Variants in SLC36A1 observed in about 807,000 individuals in gnomAD.
The protein encoded by SLC36A1 is solute carrier family 36 member 1.
SLC36A1 carries 30 observed loss-of-function variants against 47.5 expected under a neutral mutation model. The ratio of observed to expected loss-of-function variants is 0.63; its 90% CI spans 0.47 to 0.86. The LOEUF (loss-of-function observed/expected upper bound fraction) is 0.86. SLC36A1 is among the 40% of genes least tolerant of loss of function. SLC36A1 has a pLI of 0.00. For missense variants in SLC36A1, 517 were observed against 606.0 expected, an observed-to-expected ratio of 0.85 and a Z score of 1.54; for synonymous variants, 255 against 249.7, an observed-to-expected ratio of 1.02 and a Z score of -0.20.
chr5:151,526,048 G>A, the SLC36A1 span: 13 of 1,327,826 alleles, frequency 9.8e-6, no homozygotes, highest in South Asian at 1.6e-4. Context: ...ATGTCATCTG[G>A]AATGAGTCCT....
the SLC36A1 span, among the ~76,000 whole-genome samples, chr5:151,374,540 G>A: frequency 6.6e-6 from 1 of 152,220 alleles, no homozygotes; most frequent in African/African-American, 2.4e-5. Context: ...AAACATGCTA[G>A]TGCAGGTATA....
At chr5:151,450,829 A>G (rs888405807) in intron 1 of SLC36A1, 1 of 152,238 alleles carries the variant, frequency 6.6e-6, no homozygotes, top group Admixed American at 6.5e-5. Context: ...ACCGCTTCCA[A>G]AGTGCATGAC....
At chr5:151,487,160 C>G (rs1054278937) in intron 10 of SLC36A1, among the ~76,000 whole-genome samples, 1 of 152,204 alleles carries the variant, frequency 6.6e-6, no homozygotes, top group African/African-American at 2.4e-5. Flanking sequence ...TGGCCTTTGC[C>G]CACCTGGTGG....
upstream of SLC36A1, among the ~76,000 whole-genome samples, chr5:151,433,231 TATATATATATATATATATATATATA>T (rs1759481614): frequency 1.5e-4 from 1 of 6,680 alleles, no homozygotes; most frequent in African/African-American, 5.2e-4. Context: ...CATATATATA[TATATATATATATATATATATATATA>T]TATATATATA....
the SLC36A1 span, among the ~76,000 whole-genome samples, chr5:151,406,861 C>G: frequency 6.6e-6 from 1 of 152,108 alleles, no homozygotes; most frequent in Non-Finnish European, 1.5e-5. Context: ...AGCCACGGGC[C>G]CTCGCGGTGA....
chr5:151,378,228 C>A, the SLC36A1 span: 23 of 225,500 alleles, frequency 1.0e-4, no homozygotes, highest in East Asian at 1.8e-3. Context: ...CTTGCCAATA[C>A]ATACAAAGTT....
the SLC36A1 span, chr5:151,549,526 A>G: frequency 1.2e-6 from 2 of 1,610,576 alleles, no homozygotes; most frequent in Non-Finnish European, 1.7e-6. Flanking sequence ...AAAGGGGGTA[A>G]TTGGGTAAGC....
At chr5:151,548,200 A>G in the SLC36A1 span, among the ~76,000 whole-genome samples, 27,303 of 152,062 alleles carry the variant, frequency 0.18, 3,049 homozygotes, top group East Asian at 0.41. Flanking sequence ...TAAGCTACTG[A>G]CATGCAATAA....
chr5:151,503,705 C>T, the SLC36A1 span, among the ~76,000 whole-genome samples: 1 of 152,170 alleles, frequency 6.6e-6, no homozygotes. Flanking sequence ...AGTTAAGTCC[C>T]TTCTCCGTAA....
chr5:151,409,106 C>T, the SLC36A1 span, among the ~76,000 whole-genome samples: 1 of 151,222 alleles, frequency 6.6e-6, no homozygotes, highest in African/African-American at 2.4e-5. Flanking sequence ...TCAGGGTGAT[C>T]CTCCCACCTC....
Position 151,488,375 on chromosome 5 carries a change from C to G in SLC36A1, c.*121C>G, listed in dbSNP as rs1759840478. On this transcript the variant is annotated 3_prime_UTR_variant, in exon 11 of 11. Coordinates refer to ENST00000243389, the MANE Select transcript of SLC36A1 (RefSeq NM_078483.4). Reference sequence around the variant, plus strand: ...AGTCAGGGTTGCTGTGTGGGAACCCCTCTGCCTGGCACCTGGATACCCTGG... The same window carrying G: ...AGTCAGGGTTGCTGTGTGGGAACCCGTCTGCCTGGCACCTGGATACCCTGG... 7.8e-7 allele frequency: 1 copy of G among 1,290,074 alleles called. No individual in the cohort carries two copies. Among genetic ancestry groups the G allele is most frequent in the African/African-American group, 1.5e-5 (1 of 66,836 alleles). 79.9% of individuals were successfully genotyped at this position (1,290,074 alleles called of 1,614,324 possible). A position where few individuals can be genotyped will look rare whatever the true frequency, so the allele number is the denominator to read the frequency against.
chr5:151,502,500 G>A, the SLC36A1 span, among the ~76,000 whole-genome samples: 34 of 147,792 alleles, frequency 2.3e-4, no homozygotes, highest in Non-Finnish European at 4.1e-4. Context: ...TAACAGCCAC[G>A]TCACTAAAGC....
chr5:151,476,613 G>A lies in SLC36A1; in HGVS notation c.846G>A (p.Met282Ile). ...IGMVLPLENK[M>I]KDPRKFPLIL... is the part of the protein sequence containing the mutation. ...AGGTTCTGCCCCTGGAAAACAAAATGAAGGATCCTCGGAAGTTCCCACTCA... is the reference window on the plus strand; with the variant it reads ...AGGTTCTGCCCCTGGAAAACAAAATAAAGGATCCTCGGAAGTTCCCACTCA... The change falls in exon 9 of 11, where the codon ATG (methionine) becomes ATA (isoleucine). Residue 282 changes from methionine to isoleucine, a missense_variant. Coordinates refer to ENST00000243389, the MANE Select transcript of SLC36A1 (RefSeq NM_078483.4). 2 of 1,595,996 alleles carry A rather than the reference G, an allele frequency of 1.3e-6. No individual in the cohort carries two copies. Among genetic ancestry groups the A allele is most frequent in the Non-Finnish European group, 1.7e-6 (2 of 1,171,672 alleles).
At chr5:151,521,977 G>A in the SLC36A1 span, 90 of 1,614,208 alleles carry the variant, frequency 5.6e-5, no homozygotes, top group Admixed American at 1.1e-3. Context: ...CTCTCCAACA[G>A]TGATGAAGAT....
the SLC36A1 span, among the ~76,000 whole-genome samples, chr5:151,535,789 A>G: frequency 2.6e-5 from 4 of 152,126 alleles, no homozygotes; most frequent in African/African-American, 7.2e-5. Context: ...ATCTGACACT[A>G]TCTCCAGGTA....
the SLC36A1 span, among the ~76,000 whole-genome samples, chr5:151,534,970 A>ATATATAT: frequency 2.3e-4 from 24 of 106,410 alleles, 2 homozygotes; most frequent in Non-Finnish European, 4.3e-4. Context: ...CTTCTAGGAA[A>ATATATAT]ATATATATAT....
At chr5:151,399,048 A>G in the SLC36A1 span, among the ~76,000 whole-genome samples, 2 of 139,328 alleles carry the variant, frequency 1.4e-5, no homozygotes, top group Admixed American at 7.3e-5. Context: ...GTGTATATAT[A>G]TATGAGTGTG....
upstream of SLC36A1, among the ~76,000 whole-genome samples, chr5:151,433,778 C>T (rs905871803): frequency 6.6e-6 from 1 of 151,980 alleles, no homozygotes; most frequent in African/African-American, 2.4e-5. Context: ...ATATCATGGC[C>T]TTATGGGGCA....
chr5:151,479,270 T>C (rs1758492333), intron 9 of SLC36A1, 50 bp from the exon 10 acceptor site: 2 of 1,588,568 alleles, frequency 1.3e-6, no homozygotes, highest in African/African-American at 1.3e-5. Flanking sequence ...TTGCTGATGA[T>C]GTATAAGTGT....
Sources: allele counts gnomAD v4.1 joint callset (sites outside exome capture counted in the v4.1 genomes callset), GRCh38; gene constraint gnomAD v4.1.1; transcripts MANE v1.5; gene names NCBI Gene and HGNC (gene_info 2026-07-23, HGNC 2026-07-21).